Variants in PID1 observed in about 807,000 individuals in gnomAD.
PID1 encodes the protein phosphotyrosine interaction domain containing 1.
In PID1, 10 loss-of-function variants were observed where a neutral mutation model predicts 19.1. The ratio of observed to expected loss-of-function variants is 0.52; its 90% CI spans 0.32 to 0.89. PID1 has a LOEUF of 0.89. Among genes scored for constraint, PID1 ranks in the 40% least tolerant of loss-of-function variants. The probability of loss-of-function intolerance (pLI) is 0.03; values close to 1 mark genes in which losing one functional copy is unlikely to be tolerated. For synonymous variants in PID1, 130 were observed against 116.0 expected, an observed-to-expected ratio of 1.12 and a Z score of -0.78; for missense variants, 248 against 285.3, an observed-to-expected ratio of 0.87 and a Z score of 0.94.
intron 2 of PID1, among the ~76,000 whole-genome samples, chr2:229,144,869 G>C (rs73998568): frequency 0.14 from 20,750 of 151,740 alleles, 1,707 homozygotes; most frequent in East Asian, 0.28. Context: ...TTTCATCTCT[G>C]CAAGTATTGC....
chr2:229,154,376 G>A (rs1451751728), intron 2 of PID1, among the ~76,000 whole-genome samples: 5 of 151,612 alleles, frequency 3.3e-5, no homozygotes, highest in South Asian at 4.2e-4. Flanking sequence ...GAATTAGTAC[G>A]CCCTATTCTT....
chr2:229,169,584 GGCATTA>G (rs1690668438), intron 1 of PID1, among the ~76,000 whole-genome samples: 1 of 152,136 alleles, frequency 6.6e-6, no homozygotes, highest in African/African-American at 2.4e-5. Context: ...TTCTGAAATA[GGCATTA>G]GCATTACTTA....
At chr2:229,195,333 G>GTA (rs939868183) in intron 1 of PID1, among the ~76,000 whole-genome samples, 13 of 151,230 alleles carry the variant, frequency 8.6e-5, no homozygotes, top group Non-Finnish European at 1.6e-4. Context: ...GATAAATGAA[G>GTA]TATATATACA....
At chr2:229,110,490 T>C (rs1695275800) in intron 2 of PID1, among the ~76,000 whole-genome samples, 1 of 152,124 alleles carries the variant, frequency 6.6e-6, no homozygotes. Flanking sequence ...GTTCACAGAA[T>C]ATAGCACCAG....
intron 1 of PID1, among the ~76,000 whole-genome samples, chr2:229,193,959 T>G (rs1320969217): frequency 6.6e-6 from 1 of 151,958 alleles, no homozygotes; most frequent in Non-Finnish European, 1.5e-5. Context: ...TGCAAAGAGG[T>G]ATTGAAGCTG....
At chr2:229,239,795 C>G (rs766585226) in intron 1 of PID1, among the ~76,000 whole-genome samples, 3 of 152,142 alleles carry the variant, frequency 2.0e-5, no homozygotes, top group Non-Finnish European at 4.4e-5. Flanking sequence ...ACTTTTACAA[C>G]TTGCTTTTGG....
intron 2 of PID1, among the ~76,000 whole-genome samples, chr2:229,117,158 G>A (rs1011948391): frequency 6.6e-6 from 1 of 152,072 alleles, no homozygotes; most frequent in African/African-American, 2.4e-5. Flanking sequence ...CTATTTTGAT[G>A]ACTCACATAC....
At chr2:229,109,130 G>A (rs1316219208) in intron 2 of PID1, among the ~76,000 whole-genome samples, 1 of 152,156 alleles carries the variant, frequency 6.6e-6, no homozygotes, top group Non-Finnish European at 1.5e-5. Flanking sequence ...AATGCACAGA[G>A]TAGATTAAAT....
chr2:229,172,095 A>T (rs1048523374), intron 1 of PID1, among the ~76,000 whole-genome samples: 1 of 152,180 alleles, frequency 6.6e-6, no homozygotes, highest in Non-Finnish European at 1.5e-5. Context: ...TTACAACAGC[A>T]GAAAGGGCTC....
At chr2:229,094,957 G>A (rs1025930090) in intron 2 of PID1, among the ~76,000 whole-genome samples, 4 of 152,162 alleles carry the variant, frequency 2.6e-5, no homozygotes, top group East Asian at 1.9e-4. Context: ...CACACGATAC[G>A]TTACATGTAT....
chr2:229,069,066 A>C (rs539616765), intron 2 of PID1, among the ~76,000 whole-genome samples: 3 of 151,886 alleles, frequency 2.0e-5, no homozygotes, highest in South Asian at 2.1e-4. Flanking sequence ...AGTTTGGAAA[A>C]GAGTTTTTAA....
At chr2:229,201,091 C>T (rs912298584) in intron 1 of PID1, among the ~76,000 whole-genome samples, 5 of 152,000 alleles carry the variant, frequency 3.3e-5, no homozygotes, top group African/African-American at 1.2e-4. Context: ...AATCATCTTC[C>T]CTTTTTCTAT....
chr2:229,221,698 C>T (rs927199394), intron 1 of PID1, among the ~76,000 whole-genome samples: 3 of 152,208 alleles, frequency 2.0e-5, no homozygotes, highest in South Asian at 2.1e-4. Flanking sequence ...CATTCCCTCT[C>T]TCCCAAGGAA....
Position 229,025,225 on chromosome 2 carries a change from C to A in PID1, c.*407G>T. 1 of 189,548 alleles carries A rather than the reference C, an allele frequency of 5.3e-6. No homozygotes were observed. Among genetic ancestry groups the A allele is most frequent in the Non-Finnish European group, 1.1e-5 (1 of 89,288 alleles). 11.7% of individuals were successfully genotyped at this position (189,548 alleles called of 1,614,324 possible). ...CCCCATCAGCACCCTGCCCACCCCA[C>A]TAGAGATCCCATAGGTGCCCCTAAC... On this transcript the variant is annotated 3_prime_UTR_variant, in exon 3 of 3. Transcript: ENST00000392055.
At chr2:229,194,975 C>T (rs1465646073) in intron 1 of PID1, among the ~76,000 whole-genome samples, 1 of 151,698 alleles carries the variant, frequency 6.6e-6, no homozygotes, top group African/African-American at 2.4e-5. Context: ...TTTAATATAT[C>T]TTTGCGGATT....
intron 2 of PID1, among the ~76,000 whole-genome samples, chr2:229,148,750 AAGAGGGAG>A (rs778113737): frequency 1.6e-4 from 24 of 151,124 alleles, no homozygotes; most frequent in Non-Finnish European, 3.1e-4. Context: ...GAGGGAGGGA[AAGAGGGAG>A]AGAGGGAAGG....
chr2:229,092,837 C>T (rs1694901631), intron 2 of PID1, among the ~76,000 whole-genome samples: 1 of 152,076 alleles, frequency 6.6e-6, no homozygotes, highest in Admixed American at 6.5e-5. Flanking sequence ...GTCCGTATAC[C>T]TCTCTCAATC....
rs554420225 is a variant in PID1 at position 229,216,400 on chromosome 2, G to A, written c.30+54614C>T. Among the ~76,000 whole-genome samples, 17 of 152,218 alleles carry A rather than the reference G, an allele frequency of 1.1e-4. No homozygotes were observed. In the South Asian group the frequency reaches 3.3e-3, roughly 30 times the overall value. ...CATCATTGTTTTGGGTGTTCTGATG[G>A]TTTTCCTTTCCAAAACAGTGGGATG... On this transcript the variant is annotated intron_variant, in intron 1 of 2. Coordinates refer to ENST00000392055, the MANE Select transcript of PID1 (RefSeq NM_001100818.2).
At chr2:229,132,136 T>C (rs1689755264) in intron 2 of PID1, among the ~76,000 whole-genome samples, 1 of 152,178 alleles carries the variant, frequency 6.6e-6, no homozygotes, top group African/African-American at 2.4e-5. Flanking sequence ...GATGGAAGGC[T>C]TAAAATTGGC....
Sources: allele counts gnomAD v4.1 joint callset (sites outside exome capture counted in the v4.1 genomes callset), GRCh38; gene constraint gnomAD v4.1.1; transcripts MANE v1.5; gene names NCBI Gene and HGNC (gene_info 2026-07-23, HGNC 2026-07-21).